Variants in ALG13 observed in about 807,000 individuals in gnomAD.
ALG13 encodes ALG13 UDP-N-acetylglucosaminyltransferase subunit.
Under a neutral mutation model 87.8 loss-of-function variants are expected in ALG13, and 11 were observed. The ratio of observed to expected loss-of-function variants is 0.13; its 90% confidence interval spans 0.08 to 0.21. The LOEUF (loss-of-function observed/expected upper bound fraction) is 0.21, where lower values mean the gene tolerates loss of function less well. ALG13 is among the 10% of genes least tolerant of loss of function. The pLI, the probability that ALG13 is intolerant of heterozygous loss-of-function variation, is 1.00. For synonymous variants in ALG13, 320 were observed against 306.3 expected (o/e 1.04, Z -0.47); for missense variants, 756 against 866.1 (o/e 0.87, Z 1.60).
intron 8 of ALG13, 63 bp from the exon 9 acceptor site, chrX:111,717,783 T>C: frequency 1.3e-6 from 1 of 799,899 alleles, no homozygotes; most frequent in Non-Finnish European, 1.8e-6. Context: ...TTAATTATCA[T>C]CTTAATTTCA....
At chrX:111,724,757 G>A (rs1301679064) in intron 14 of ALG13, among the ~76,000 whole-genome samples, 177 bp from the exon 15 acceptor site, 2 of 112,368 alleles carry the variant, frequency 1.8e-5, no homozygotes, top group Admixed American at 1.9e-4. Flanking sequence ...AGAAACAGCA[G>A]TGAAATTGTA....
chrX:111,709,100 A>G, intron 5 of ALG13, 52 bp downstream of exon 5: 1 of 789,721 alleles, frequency 1.3e-6, no homozygotes, highest in South Asian at 2.6e-5. Context: ...TAGCAGGTGG[A>G]AAAATAATTG....
intron 24 of ALG13, among the ~76,000 whole-genome samples, chrX:111,750,242 C>CT (rs772270979): frequency 2.0e-4 from 22 of 111,322 alleles, no homozygotes; most frequent in Non-Finnish European, 3.6e-4. Context: ...CCCATTCTCC[C>CT]TGGCCTTAGC....
intron 15 of ALG13, among the ~76,000 whole-genome samples, chrX:111,725,513 A>C (rs1263668983): frequency 1.8e-5 from 2 of 111,212 alleles, no homozygotes; most frequent in Non-Finnish European, 3.8e-5. Flanking sequence ...TGGGTACAAA[A>C]ATAGGTAGTA....
chrX:111,736,848 C>A lies in ALG13; in HGVS notation c.2664C>A (p.Leu888=). The A allele has an allele frequency of 8.3e-7, 1 of 1,209,090 alleles. No homozygotes were observed. Among genetic ancestry groups the A allele is most frequent in the Non-Finnish European group, 1.1e-6 (1 of 894,233 alleles). The change falls in exon 23 of 27, where the codon CTC becomes CTA. Residue 888 remains leucine (L), a synonymous_variant. Coordinates refer to ENST00000394780, the MANE Select transcript of ALG13 (RefSeq NM_001099922.3). ...CCTCACAGAATGCTATACAGCCTCT[C>A]TTTGTATCTCCACCTACACACGGCA... The part of the protein sequence containing the change: ...SVSSQNAIQP[L]FVSPPTHGRP...
intron 21 of ALG13, among the ~76,000 whole-genome samples, chrX:111,733,206 G>T (rs1446257357): frequency 9.0e-6 from 1 of 111,322 alleles, no homozygotes; most frequent in Non-Finnish European, 1.9e-5. Context: ...GTTCTTTAGT[G>T]ATGACTTCTG....
At chrX:111,733,464 T>G (rs146572673) in intron 21 of ALG13, among the ~76,000 whole-genome samples, 1,376 of 112,085 alleles carry the variant, frequency 0.012, 11 homozygotes, top group African/African-American at 0.034. Flanking sequence ...GATGCCATTA[T>G]TTTGTTTCTT....
At chrX:111,690,149 C>T in intron 3 of ALG13, 3 of 752,844 alleles carry the variant, frequency 4.0e-6, no homozygotes, top group Non-Finnish European at 4.7e-6. Flanking sequence ...CTTATTAGTC[C>T]TTATTAAAGA....
intron 19 of ALG13, among the ~76,000 whole-genome samples, chrX:111,729,669 C>T (rs1942460537): frequency 1.8e-5 from 2 of 111,519 alleles, no homozygotes; most frequent in Non-Finnish European, 1.9e-5. Context: ...TTTAGAACTG[C>T]GGGTTTATAT....
intron 12 of ALG13, 29 bp downstream of exon 12, chrX:111,721,740 A>AT: frequency 1.0e-6 from 1 of 991,048 alleles, no homozygotes; most frequent in Non-Finnish European, 1.4e-6. Flanking sequence ...GATACTTTTG[A>AT]ATCCTGACAA....
At chrX:111,726,232 G>GTTTTTTTT (rs1213050998) in intron 15 of ALG13, among the ~76,000 whole-genome samples, 10 of 60,192 alleles carry the variant, frequency 1.7e-4, no homozygotes, top group African/African-American at 5.0e-4. Context: ...GGCGTGTTTT[G>GTTTTTTTT]TTTTTTTTTT....
At chrX:111,711,782 A>T in intron 6 of ALG13, 57 bp downstream of exon 6, 1 of 1,075,301 alleles carries the variant, frequency 9.3e-7, no homozygotes, top group Non-Finnish European at 1.3e-6. Context: ...AGTAATGTAA[A>T]TTTATTCATT....
At chrX:111,757,515 T>C in intron 25 of ALG13, 73 bp from the exon 26 acceptor site, 1 of 677,585 alleles carries the variant, frequency 1.5e-6, no homozygotes, top group East Asian at 4.1e-5. Context: ...TTTTTGTCTG[T>C]GGGGAACTGT....
chrX:111,689,477 C>G, intron 3 of ALG13: 1 of 753,996 alleles, frequency 1.3e-6, no homozygotes, highest in Non-Finnish European at 1.6e-6. Context: ...TTGCTATCTA[C>G]TTCCCCAGAA....
intron 24 of ALG13, among the ~76,000 whole-genome samples, chrX:111,749,148 T>TA (rs1944496934): frequency 9.0e-6 from 1 of 111,706 alleles, no homozygotes; most frequent in African/African-American, 3.3e-5. Context: ...CCAAAGTCGT[T>TA]ATGATTGTTT....
chrX:111,747,225 A>G (rs1468763161), intron 24 of ALG13, among the ~76,000 whole-genome samples: 1 of 111,878 alleles, frequency 8.9e-6, no homozygotes, highest in Non-Finnish European at 1.9e-5. Context: ...TGCTCTGCCT[A>G]TTATTATTCA....
At chrX:111,689,484 A>G (rs1935746081) in intron 3 of ALG13, 9 of 754,122 alleles carry the variant, frequency 1.2e-5, no homozygotes, top group Non-Finnish European at 1.4e-5. Flanking sequence ...CTACTTCCCC[A>G]GAATAATGCA....
intron 3 of ALG13, chrX:111,689,648 A>G (rs1858838411): frequency 4.1e-6 from 3 of 732,641 alleles, no homozygotes; most frequent in Non-Finnish European, 1.6e-6. Context: ...TTTGGCACGG[A>G]TTCTTGAGAT....
At chrX:111,713,547 A>G (rs1404056522) in intron 8 of ALG13, among the ~76,000 whole-genome samples, 1 of 111,769 alleles carries the variant, frequency 8.9e-6, no homozygotes, top group Non-Finnish European at 1.9e-5. Flanking sequence ...TCAATGACTA[A>G]AAAGGATAAG....
Sources: gnomAD v4.1 joint callset for allele counts (sites outside exome capture counted in the v4.1 genomes callset) on GRCh38, gnomAD v4.1.1 for gene constraint, MANE v1.5 for transcripts, NCBI Gene and HGNC (gene_info 2026-07-23, HGNC 2026-07-21) for gene names.